The following MYH15 variants were observed in gnomAD, a reference collection of about 807,000 sequenced individuals.
MYH15 encodes the protein myosin heavy chain 15.
In MYH15, 227 loss-of-function variants were observed where a neutral mutation model predicts 240.5. The observed-to-expected ratio is 0.94, with a 90% CI of 0.85 to 1.05. The LOEUF is 1.05. Ranked by LOEUF, MYH15 falls within the 50% of genes least tolerant of loss-of-function variation. The pLI is 0.00. For synonymous variants in MYH15, 785 were observed against 796.7 expected, an observed-to-expected ratio of 0.99 and a Z score of 0.25; for missense variants, 2,217 against 2,247.5, an observed-to-expected ratio of 0.99 and a Z score of 0.27.
rs2083513617 is a variant in MYH15 at position 108,510,539 on chromosome 3, A to C, written c.-9T>G. On this transcript the variant is annotated 5_prime_UTR_variant, in exon 1 of 41. Coordinates refer to ENST00000693548, the MANE Select transcript of MYH15 (RefSeq NM_014981.3). ...AGGTCTGACAGATCCATCTTTATTA[A>C]AGCAATCCACCAAAAAAAGGCCCTA... 6.2e-7 allele frequency: 1 copy of C among 1,613,612 alleles called. No individual in the cohort carries two copies. The highest frequency in any genetic ancestry group is 8.5e-7 in the Non-Finnish European group (1 of 1,179,806).
the MYH15 span, among the ~76,000 whole-genome samples, chr3:108,537,494 A>T: frequency 6.6e-6 from 1 of 152,314 alleles, no homozygotes; most frequent in East Asian, 1.9e-4. Context: ...CAAATGGGAT[A>T]CATGAAATAT....
At chr3:108,550,433 A>T in the MYH15 span, 1 of 151,522 alleles carries the variant, frequency 6.6e-6, no homozygotes, top group Non-Finnish European at 1.5e-5. Flanking sequence ...ACATTTGAAA[A>T]AAGAGAAAAA....
chr3:108,435,342 CTT>C (rs1206340542), intron 25 of MYH15, among the ~76,000 whole-genome samples: 1 of 152,100 alleles, frequency 6.6e-6, no homozygotes, highest in African/African-American at 2.4e-5. Context: ...GCTCTACTCT[CTT>C]AAATTTTTAA....
rs1032182265 is a variant in MYH15, at chr3:108,478,779, C to T, written c.1115-2264G>A. Among the ~76,000 whole-genome samples the T allele has an allele frequency of 3.3e-5, 5 of 151,984 alleles. No homozygotes were observed. In the South Asian group the frequency reaches 8.3e-4, roughly 25 times the overall value. On this transcript the variant is annotated intron_variant, in intron 11 of 40. Coordinates refer to ENST00000693548, the MANE Select transcript of MYH15 (RefSeq NM_014981.3). The stretch of plus-strand genomic sequence containing the variant: ...AGTCTCAAAGAATAGTTCCCCATGC[C>T]GAGTCTTCATATATCCTTTTTCCAG...
intron 4 of MYH15, 92 bp downstream of exon 4, chr3:108,500,026 G>A: frequency 7.2e-7 from 1 of 1,384,080 alleles, no homozygotes; most frequent in Non-Finnish European, 9.7e-7. Context: ...TAAAGGCCAT[G>A]CTCTGCTCAC....
chr3:108,420,726 C>T (rs2082676084), intron 28 of MYH15, among the ~76,000 whole-genome samples: 2 of 152,088 alleles, frequency 1.3e-5, no homozygotes, highest in South Asian at 4.2e-4. Context: ...ATTATCCAAA[C>T]ATTAAAAATT....
intron 25 of MYH15, among the ~76,000 whole-genome samples, chr3:108,435,097 T>C (rs2082820191): frequency 6.6e-6 from 1 of 152,242 alleles, no homozygotes; most frequent in South Asian, 2.1e-4. Flanking sequence ...CTTGGATTCT[T>C]GACATTTTTT....
chr3:108,421,624 T>TATAGAATAGTGCCTGCTG (rs2082685224), intron 27 of MYH15, among the ~76,000 whole-genome samples: 2 of 152,326 alleles, frequency 1.3e-5, no homozygotes, highest in African/African-American at 4.8e-5. Context: ...CCCCCTATTG[T>TATAGAATAGTGCCTGCTG]ATAGAATAGT....
chr3:108,386,061 T>C lies in MYH15; in HGVS notation c.5536-1279A>G, dbSNP rs936257. ...TCAAATAAAATCCCTTCTTTGTTTT[T>C]ATCTGCCTATCCCTCAACTTGTCAG... On this transcript the variant is annotated intron_variant, in intron 38 of 40. Transcript: ENST00000693548. Among the ~76,000 whole-genome samples the C allele has an allele frequency of 1.3e-3, 199 of 152,376 alleles. 2 individuals carry two copies. The East Asian group carries it at 0.032, about 24-fold the overall frequency.
At chr3:108,393,286 C>T (rs902990679) in intron 36 of MYH15, among the ~76,000 whole-genome samples, 10 of 152,130 alleles carry the variant, frequency 6.6e-5, no homozygotes, top group Non-Finnish European at 1.2e-4. Flanking sequence ...CAGAAACCAA[C>T]CCCAAGCCCC....
chr3:108,407,377 T>A (rs1177354092), intron 32 of MYH15, among the ~76,000 whole-genome samples: 1 of 152,168 alleles, frequency 6.6e-6, no homozygotes, highest in African/African-American at 2.4e-5. Flanking sequence ...GGGCTGTATT[T>A]TAATGTGTCT....
Position 108,441,100 on chromosome 3 carries a change from C to A in MYH15, c.2816G>T (p.Cys939Phe), listed in dbSNP as rs1225460554. The A allele has an allele frequency of 6.2e-7, 1 of 1,614,008 alleles. No homozygotes were observed. The highest frequency in any genetic ancestry group is 1.3e-5 in the African/African-American group (1 of 74,896). ...ATCGATTTCTTTCTTCAACTCAAAA[C>A]ATTCATCTTCGAGTTTCCGCCCCCT... Reference protein sequence around the residue: ...TARGRKLEDECFELKKEIDDL... With the variant: ...TARGRKLEDEFFELKKEIDDL... Residue 939 changes from cysteine (C) to phenylalanine (F), a missense_variant, in exon 23 of 41, where the codon TGT (cysteine) becomes TTT (phenylalanine). Physicochemically the swap from Cys to Phe is radical, Grantham distance 205. Transcript: ENST00000693548.
At chr3:108,397,278 C>T (rs1404585240) in intron 35 of MYH15, among the ~76,000 whole-genome samples, 1 of 152,158 alleles carries the variant, frequency 6.6e-6, no homozygotes, top group Non-Finnish European at 1.5e-5. Context: ...TCTGGCTATC[C>T]ACCGAATACT....
chr3:108,400,334 G>T (rs2082494683), intron 33 of MYH15, among the ~76,000 whole-genome samples: 1 of 152,332 alleles, frequency 6.6e-6, no homozygotes, highest in South Asian at 2.1e-4. Flanking sequence ...TTTAACTGCT[G>T]TAATTGACAC....
At chr3:108,502,578 TAATA>T (rs991229189) in intron 2 of MYH15, among the ~76,000 whole-genome samples, 23 of 152,242 alleles carry the variant, frequency 1.5e-4, no homozygotes, top group African/African-American at 4.3e-4. Context: ...GCTTGGGATA[TAATA>T]AATAATCAAT....
chr3:108,451,451 T>G (rs1403161950), intron 21 of MYH15, among the ~76,000 whole-genome samples: 2 of 152,074 alleles, frequency 1.3e-5, no homozygotes, highest in Non-Finnish European at 2.9e-5. Flanking sequence ...ATGTAAAATT[T>G]TTTTAATAAA....
At chr3:108,451,526 T>A (rs535555423) in intron 21 of MYH15, among the ~76,000 whole-genome samples, 4 of 152,252 alleles carry the variant, frequency 2.6e-5, no homozygotes, top group African/African-American at 9.6e-5. Flanking sequence ...AATAAATAAA[T>A]TGAATCAAAA....
chr3:108,470,547 A>T, intron 13 of MYH15, 151 bp downstream of exon 13: 1 of 646,500 alleles, frequency 1.5e-6, no homozygotes. Context: ...ATTATTATTG[A>T]TATTAATTAT....
chr3:108,409,801 G>A (rs1279859468), intron 31 of MYH15, among the ~76,000 whole-genome samples: 1 of 152,138 alleles, frequency 6.6e-6, no homozygotes, highest in African/African-American at 2.4e-5. Flanking sequence ...ATTTTTACAT[G>A]TGCATAAATA....
Sources: gnomAD v4.1 joint callset for allele counts (sites outside exome capture counted in the v4.1 genomes callset) on GRCh38, gnomAD v4.1.1 for gene constraint, MANE v1.5 for transcripts, NCBI Gene and HGNC (gene_info 2026-07-23, HGNC 2026-07-21) for gene names.